Variants in SLC35F2 observed in about 807,000 individuals in gnomAD.
SLC35F2 encodes the protein solute carrier family 35 member F2, also known as queuine/queuosine transporter SLC35F2.
Under a neutral mutation model 38.1 loss-of-function variants are expected in SLC35F2, and 25 were observed. That is an observed-to-expected ratio of 0.66 (90% CI 0.48 to 0.92). The LOEUF is 0.92. SLC35F2 is among the 40% of genes least tolerant of loss of function. SLC35F2 has a pLI of 0.00. For missense variants in SLC35F2, 409 were observed against 452.9 expected, an observed-to-expected ratio of 0.90 and a Z score of 0.88; for synonymous variants, 173 against 181.7, an observed-to-expected ratio of 0.95 and a Z score of 0.38.
intron 1 of SLC35F2, among the ~76,000 whole-genome samples, chr11:107,830,935 T>G (rs540477121): frequency 1.3e-5 from 2 of 152,302 alleles, no homozygotes; most frequent in Admixed American, 1.3e-4. Flanking sequence ...GGGTTCATAA[T>G]GGAAGAAAAA....
intron 1 of SLC35F2, among the ~76,000 whole-genome samples, chr11:107,818,995 G>A (rs889593647): frequency 2.6e-5 from 4 of 152,152 alleles, no homozygotes; most frequent in Admixed American, 2.6e-4. Flanking sequence ...AAGTGGGGGG[G>A]TGGTTATAGA....
At chr11:107,801,391 A>C (rs1859309160) in intron 7 of SLC35F2, among the ~76,000 whole-genome samples, 1 of 152,166 alleles carries the variant, frequency 6.6e-6, no homozygotes, top group Non-Finnish European at 1.5e-5. Context: ...AGATTTTTTA[A>C]ATATAAATCA....
At chr11:107,816,341 G>T (rs545795000) in intron 1 of SLC35F2, 1 of 946,810 alleles carries the variant, frequency 1.1e-6, no homozygotes, top group Non-Finnish European at 1.3e-6. Flanking sequence ...GAGTGCAGTG[G>T]TGCAATCACA....
intron 1 of SLC35F2, among the ~76,000 whole-genome samples, chr11:107,846,385 T>C: frequency 6.6e-6 from 1 of 152,164 alleles, no homozygotes; most frequent in East Asian, 1.9e-4. Flanking sequence ...GTACTGTTTA[T>C]CAAAAGAGTA....
intron 1 of SLC35F2, among the ~76,000 whole-genome samples, chr11:107,849,793 T>C (rs556712329): frequency 1.3e-5 from 2 of 151,798 alleles, no homozygotes; most frequent in South Asian, 4.2e-4. Flanking sequence ...AACCCAAAGG[T>C]TGTCTAGAAC....
chr11:107,805,299 A>G, intron 5 of SLC35F2, 60 bp downstream of exon 5: 1 of 1,493,862 alleles, frequency 6.7e-7, no homozygotes, highest in Non-Finnish European at 9.0e-7. Context: ...GAATATTAGT[A>G]GTTATCATCT....
intron 6 of SLC35F2, among the ~76,000 whole-genome samples, chr11:107,803,992 ATTTT>A (rs71047624): frequency 1.5e-5 from 2 of 135,812 alleles, no homozygotes; most frequent in South Asian, 2.4e-4. Context: ...TGCCCGGATA[ATTTT>A]TTTTTTTTTT....
chr11:107,847,705 T>G (rs1860120076), intron 1 of SLC35F2, among the ~76,000 whole-genome samples: 2 of 152,204 alleles, frequency 1.3e-5, no homozygotes, highest in Admixed American at 6.5e-5. Context: ...TGAAAATGTG[T>G]GTCAGGAGGG....
In SLC35F2 at chr11:107,803,028, A is replaced by C. The variant is rs1372512930; in HGVS notation, c.912T>G (p.Phe304Leu). ...GILTADLYSL[F>L]VGLFLFGYKF... is the part of the protein sequence containing the mutation. ...TATAGCCAAACAGAAAGAGTCCAACAAAAAGGCTGTAGAGGTCCGCTGTCA... is the reference window on the plus strand; with the variant it reads ...TATAGCCAAACAGAAAGAGTCCAACCAAAAGGCTGTAGAGGTCCGCTGTCA... The change falls in exon 7 of 8, where the codon TTT becomes TTG. Residue 304 changes from phenylalanine (F) to leucine (L), a missense_variant. Coordinates refer to ENST00000525815, the MANE Select transcript of SLC35F2 (RefSeq NM_017515.5). The C allele has an allele frequency of 3.1e-6, 5 of 1,612,462 alleles. No homozygotes were observed. Among genetic ancestry groups the C allele is most frequent in the Non-Finnish European group, 3.4e-6 (4 of 1,179,574 alleles).
chr11:107,816,015 TACACACACACACAC>T lies in SLC35F2; in HGVS notation c.111-64_111-51del, dbSNP rs370565333. ...AACAGCATGCAAATAAGTTATACCT[TACACACACACACAC>T]ACACACACACACACACACACACACT... is the stretch of plus-strand genomic sequence containing the variant. On this transcript the variant is annotated intron_variant, in intron 1 of 7. Transcript: ENST00000525815. The T allele has an allele frequency of 4.9e-5, 60 of 1,228,906 alleles. 1 individual carries two copies. The Middle Eastern group carries it at 1.0e-3, about 21-fold the overall frequency. The allele number at this position is 1,228,906 out of a possible 1,614,324, so 76.1% of individuals were successfully genotyped here.
chr11:107,824,998 C>T (rs934130955), intron 1 of SLC35F2, among the ~76,000 whole-genome samples: 2 of 152,146 alleles, frequency 1.3e-5, no homozygotes, highest in Admixed American at 1.3e-4. Flanking sequence ...AATGTAATTT[C>T]GTTTCAACTT....
intron 1 of SLC35F2, among the ~76,000 whole-genome samples, chr11:107,818,205 G>T (rs1859615568): frequency 6.6e-6 from 1 of 152,000 alleles, no homozygotes; most frequent in Non-Finnish European, 1.5e-5. Flanking sequence ...GCTGAGGCGG[G>T]TGAATTACTT....
At chr11:107,834,134 T>C (rs564133344) in intron 1 of SLC35F2, among the ~76,000 whole-genome samples, 4 of 152,180 alleles carry the variant, frequency 2.6e-5, no homozygotes, top group Non-Finnish European at 5.9e-5. Flanking sequence ...GTTAACTCCT[T>C]GCGGAAGGGG....
chr11:107,821,347 T>C, intron 1 of SLC35F2: 1 of 935,840 alleles, frequency 1.1e-6, no homozygotes, highest in Non-Finnish European at 1.3e-6. Flanking sequence ...AAAAGGAGAG[T>C]CACAAATTGA....
At position 107,791,493 on chromosome 11, in the gene SLC35F2, G is replaced by A. The variant is rs193164081; in HGVS notation, c.*1122C>T. 11 of 152,162 alleles carry A rather than the reference G, an allele frequency of 7.2e-5. No individual in the cohort carries two copies. Among genetic ancestry groups the A allele is most frequent in the Admixed American group, 2.6e-4 (4 of 15,252 alleles). 9.4% of individuals were successfully genotyped at this position (152,162 alleles called of 1,614,324 possible). On this transcript the variant is annotated 3_prime_UTR_variant, in exon 8 of 8. Transcript: ENST00000525815. ...GAGTATGACCTGGGACTGAAACTGT[G>A]GAGCACATAGCCAGTGTCACAGGCT...
Position 107,801,797 on chromosome 11 carries a change from G to A in SLC35F2, c.939+1204C>T, listed in dbSNP as rs138569526. The stretch of plus-strand genomic sequence containing the variant: ...ACTCTTATCTTAATAATGAAATTAA[G>A]GTGGAAAGTGCAGTGGCAAGAAGCC... On this transcript the variant is annotated intron_variant, in intron 7 of 7. Coordinates refer to ENST00000525815, the MANE Select transcript of SLC35F2 (RefSeq NM_017515.5). Among the ~76,000 whole-genome samples the A allele has an allele frequency of 4.6e-5, 7 of 152,256 alleles. No individual in the cohort carries two copies. The East Asian group carries it at 1.2e-3, about 25-fold the overall frequency.
chr11:107,792,450 C>T lies in SLC35F2; in HGVS notation c.*165G>A, dbSNP rs1393870642. 3 of 749,052 alleles carry T rather than the reference C, an allele frequency of 4.0e-6. No homozygotes were observed. The highest frequency in any genetic ancestry group is 6.1e-6 in the Non-Finnish European group (3 of 491,878). 46.4% of individuals were successfully genotyped at this position (749,052 alleles called of 1,614,324 possible). On this transcript the variant is annotated 3_prime_UTR_variant, in exon 8 of 8. Coordinates refer to ENST00000525815, the MANE Select transcript of SLC35F2 (RefSeq NM_017515.5). Reference sequence around the variant, plus strand: ...TGGTTTCTGCTCTATTTTGGTATTTCTACTTTTGAACTTTGTTCAGTGTTC... The same window carrying T: ...TGGTTTCTGCTCTATTTTGGTATTTTTACTTTTGAACTTTGTTCAGTGTTC...
chr11:107,831,616 C>T (rs1413057315), intron 1 of SLC35F2, among the ~76,000 whole-genome samples: 1 of 152,226 alleles, frequency 6.6e-6, no homozygotes, highest in Non-Finnish European at 1.5e-5. Flanking sequence ...GTTCTAGATA[C>T]ACCAAGCAAC....
chr11:107,815,797 A>C lies in SLC35F2; in HGVS notation c.279T>G (p.Phe93Leu), dbSNP rs761351550. 1.2e-6 allele frequency: 2 copies of C among 1,604,634 alleles called. No individual in the cohort carries two copies. Among genetic ancestry groups the C allele is most frequent in the East Asian group, 4.5e-5 (2 of 44,772 alleles). ...TTTCCACATTTGACATACCTGATCG[A>C]AATGCCAGCATCACTGTATAAATTA... is the stretch of plus-strand genomic sequence containing the variant. ...LFLIYTVMLA[F>L]RSGSDNLLVI... The change falls in exon 2 of 8, where the codon TTT becomes TTG. Residue 93 changes from phenylalanine (F) to leucine (L), a missense_variant. Coordinates refer to ENST00000525815, the MANE Select transcript of SLC35F2 (RefSeq NM_017515.5).
Sources: gnomAD v4.1 joint callset for allele counts (sites outside exome capture counted in the v4.1 genomes callset) on GRCh38, gnomAD v4.1.1 for gene constraint, MANE v1.5 for transcripts, NCBI Gene and HGNC (gene_info 2026-07-23, HGNC 2026-07-21) for gene names.